The following CLDN10 variants were observed in gnomAD, a reference collection of about 807,000 sequenced individuals.
CLDN10 encodes the protein claudin 10.
In CLDN10, 15 loss-of-function variants were observed where a neutral mutation model predicts 22.9. The observed-to-expected ratio is 0.65, with a 90% confidence interval of 0.44 to 1.01. The LOEUF (loss-of-function observed/expected upper bound fraction) is 1.01, where lower values mean the gene tolerates loss of function less well. Ranked by LOEUF, CLDN10 falls within the 50% of genes least tolerant of loss-of-function variation. The probability of loss-of-function intolerance (pLI) is 0.00; values close to 1 mark genes in which losing one functional copy is unlikely to be tolerated. For synonymous variants in CLDN10, 114 were observed against 111.4 expected (o/e 1.02, Z -0.15); for missense variants, 247 against 287.8 (o/e 0.86, Z 1.03).
At position 95,578,219 on chromosome 13, in the gene CLDN10, TAAAC is replaced by T. The variant is rs939821636; in HGVS notation, c.*207_*210del. On this transcript the variant is annotated 3_prime_UTR_variant, in exon 5 of 5. Coordinates refer to ENST00000299339, the MANE Select transcript of CLDN10 (RefSeq NM_006984.5). ...TTCTGTTGTGGCTTTCTATAAAAAA[TAAAC>T]AGTTTATTTACAGGATTTGTAAAAT... The T allele has an allele frequency of 7.1e-5, 27 of 381,074 alleles. No homozygotes were observed. The highest frequency in any genetic ancestry group is 2.9e-4 in the African/African-American group (14 of 48,030). 23.6% of individuals were successfully genotyped at this position (381,074 alleles called of 1,614,324 possible). A position where few individuals can be genotyped will look rare whatever the true frequency, so the allele number is the denominator to read the frequency against.
chr13:95,574,180 T>C (rs1482736307), intron 3 of CLDN10, among the ~76,000 whole-genome samples: 2 of 152,162 alleles, frequency 1.3e-5, no homozygotes, highest in Non-Finnish European at 2.9e-5. Context: ...GCAATAAACA[T>C]ATGAACACAT....
intron 4 of CLDN10, 149 bp downstream of exon 4, chr13:95,577,487 A>G: frequency 1.6e-6 from 1 of 630,442 alleles, no homozygotes; most frequent in Non-Finnish European, 2.8e-6. Flanking sequence ...TTAATTTTTT[A>G]AAGTTTTACC....
chr13:95,539,765 C>T (rs2043439896), intron 1 of CLDN10, among the ~76,000 whole-genome samples: 1 of 152,108 alleles, frequency 6.6e-6, no homozygotes, highest in South Asian at 2.1e-4. Flanking sequence ...TTTTCAGCTC[C>T]CATAGTTATA....
chr13:95,483,896 G>C (rs1205473939), intron 1 of CLDN10, among the ~76,000 whole-genome samples: 1 of 152,288 alleles, frequency 6.6e-6, no homozygotes, highest in Middle Eastern at 3.4e-3. Flanking sequence ...GCCTTTGGGA[G>C]GTGATTAGGT....
At chr13:95,576,141 A>T (rs754736880) in intron 3 of CLDN10, among the ~76,000 whole-genome samples, 26 of 152,304 alleles carry the variant, frequency 1.7e-4, no homozygotes, top group Non-Finnish European at 5.9e-5. Flanking sequence ...CCCAGGCAGC[A>T]CTGGGTGGCC....
intron 1 of CLDN10, among the ~76,000 whole-genome samples, chr13:95,470,788 C>T (rs988956749): frequency 2.0e-5 from 3 of 152,200 alleles, no homozygotes; most frequent in Non-Finnish European, 2.9e-5. Context: ...CTGATACCCC[C>T]TCCCACTCCG....
At chr13:95,507,470 C>A (rs573837441) in intron 1 of CLDN10, among the ~76,000 whole-genome samples, 140 of 152,144 alleles carry the variant, frequency 9.2e-4, no homozygotes, top group Admixed American at 1.8e-3. Context: ...GGACATAAAC[C>A]TATTTCCTAG....
chr13:95,490,338 A>G (rs549167264), intron 1 of CLDN10, among the ~76,000 whole-genome samples: 1 of 152,202 alleles, frequency 6.6e-6, no homozygotes, highest in East Asian at 1.9e-4. Context: ...TATTAATTCT[A>G]CCCATCCATG....
At chr13:95,554,509 G>C (rs551257553) in intron 1 of CLDN10, among the ~76,000 whole-genome samples, 14 of 152,208 alleles carry the variant, frequency 9.2e-5, no homozygotes, top group Non-Finnish European at 1.6e-4. Flanking sequence ...TTTGGGGGCA[G>C]ATCGGGCCGG....
intron 1 of CLDN10, among the ~76,000 whole-genome samples, chr13:95,486,547 G>A (rs910545849): frequency 1.4e-5 from 2 of 145,998 alleles, no homozygotes; most frequent in South Asian, 4.3e-4. Context: ...AAAAAAAGAT[G>A]CAATTGGCAG....
At chr13:95,523,224 C>T (rs1287849802) in intron 1 of CLDN10, among the ~76,000 whole-genome samples, 2 of 151,872 alleles carry the variant, frequency 1.3e-5, no homozygotes, top group Middle Eastern at 3.4e-3. Context: ...CTTAGTTGTT[C>T]CCCTAGAGTA....
intron 1 of CLDN10, among the ~76,000 whole-genome samples, chr13:95,449,041 A>C (rs2139075400): frequency 6.6e-6 from 1 of 151,910 alleles, no homozygotes; most frequent in East Asian, 2.0e-4. Flanking sequence ...GCCCCGTTCC[A>C]CTAAGCCATA....
chr13:95,520,548 T>C (rs1316558337), intron 1 of CLDN10, among the ~76,000 whole-genome samples: 1 of 152,144 alleles, frequency 6.6e-6, no homozygotes, highest in Admixed American at 6.5e-5. Context: ...TACTTTTGTA[T>C]TTTTATTAGA....
intron 1 of CLDN10, among the ~76,000 whole-genome samples, chr13:95,473,461 A>G (rs1361490011): frequency 6.6e-6 from 1 of 152,264 alleles, no homozygotes; most frequent in Non-Finnish European, 1.5e-5. Flanking sequence ...GGCAGCCTGC[A>G]TGCCAAGTGA....
At chr13:95,457,331 CA>C (rs1355111829) in intron 1 of CLDN10, among the ~76,000 whole-genome samples, 1 of 152,176 alleles carries the variant, frequency 6.6e-6, no homozygotes, top group African/African-American at 2.4e-5. Context: ...TGCTTCAGAT[CA>C]AACAGCCATC....
At chr13:95,513,934 C>G (rs941560903) in intron 1 of CLDN10, among the ~76,000 whole-genome samples, 1 of 152,184 alleles carries the variant, frequency 6.6e-6, no homozygotes, top group Non-Finnish European at 1.5e-5. Flanking sequence ...TGCATCAGCT[C>G]TCAATAACTG....
intron 1 of CLDN10, among the ~76,000 whole-genome samples, chr13:95,489,351 G>GCCCTT (rs2042844187): frequency 6.6e-6 from 1 of 151,816 alleles, no homozygotes; most frequent in East Asian, 1.9e-4. Flanking sequence ...AATGCAGAAG[G>GCCCTT]GTTCCCTGTT....
chr13:95,526,220 A>AT (rs920474745), intron 1 of CLDN10, among the ~76,000 whole-genome samples: 1 of 151,414 alleles, frequency 6.6e-6, no homozygotes, highest in African/African-American at 2.4e-5. Flanking sequence ...TAATTGTTAG[A>AT]TTTTTTTTCT....
Position 95,546,502 on chromosome 13 carries a change from T to C in CLDN10, c.215-13630T>C, listed in dbSNP as rs77441189. ...ATAGAAATAAGAGAATGCCTACATT[T>C]TGAAGAAAAAAAACTCTCAAAATGA... is the stretch of plus-strand genomic sequence containing the variant. On this transcript the variant is annotated intron_variant, in intron 1 of 4. Transcript: ENST00000376873. 1.4e-3 allele frequency among the ~76,000 whole-genome samples: 215 copies of C among 152,286 alleles called. 1 individual carries two copies. Among genetic ancestry groups the C allele is most frequent in the Non-Finnish European group, 2.7e-3 (187 of 68,014 alleles).
Sources: gnomAD v4.1 joint callset for allele counts (sites outside exome capture counted in the v4.1 genomes callset) on GRCh38, gnomAD v4.1.1 for gene constraint, MANE v1.5 for transcripts, NCBI Gene and HGNC (gene_info 2026-07-23, HGNC 2026-07-21) for gene names.